CNTNAP2: variants seen among roughly 807,000 people sequenced by gnomAD.
The protein encoded by CNTNAP2 is contactin associated protein 2.
CNTNAP2 carries 98 observed loss-of-function variants against 155.2 expected under a neutral mutation model. That is an observed-to-expected ratio of 0.63 (90% CI 0.54 to 0.75). The LOEUF (loss-of-function observed/expected upper bound fraction) is 0.75, where lower values mean the gene tolerates loss of function less well. Ranked by LOEUF, CNTNAP2 falls within the 30% of genes least tolerant of loss-of-function variation. The pLI is 0.00. For synonymous variants in CNTNAP2, 651 were observed against 631.2 expected (o/e 1.03, Z -0.47); for missense variants, 1,727 against 1,688.1 (o/e 1.02, Z -0.40).
chr7:147,203,291 C>CAA (rs1802957394), intron 8 of CNTNAP2, among the ~76,000 whole-genome samples: 1 of 152,080 alleles, frequency 6.6e-6, no homozygotes, highest in African/African-American at 2.4e-5. Flanking sequence ...GTTGCCCTGG[C>CAA]TGGAGTGCAA....
chr7:146,803,246 G>A (rs903831982), intron 2 of CNTNAP2, among the ~76,000 whole-genome samples: 3 of 152,098 alleles, frequency 2.0e-5, no homozygotes, highest in Admixed American at 6.6e-5. Flanking sequence ...TCTAGCAAAA[G>A]GGAAGCAATA....
intron 13 of CNTNAP2, among the ~76,000 whole-genome samples, chr7:147,814,153 C>T (rs1798229563): frequency 6.6e-6 from 1 of 152,132 alleles, no homozygotes; most frequent in African/African-American, 2.4e-5. Flanking sequence ...AAGGAATTTA[C>T]AGGTGAAATA....
intron 15 of CNTNAP2, among the ~76,000 whole-genome samples, chr7:148,048,663 T>G (rs913157538): frequency 1.3e-5 from 2 of 152,030 alleles, no homozygotes; most frequent in African/African-American, 4.8e-5. Context: ...TCACCTAAAA[T>G]GGGCAAACAG....
intron 10 of CNTNAP2, among the ~76,000 whole-genome samples, chr7:147,416,695 C>G (rs1797199132): frequency 1.3e-5 from 2 of 152,170 alleles, no homozygotes; most frequent in African/African-American, 4.8e-5. Flanking sequence ...CATAAACCAG[C>G]CTCTGGGGCT....
chr7:148,389,361 C>G (rs1425829168), intron 22 of CNTNAP2, among the ~76,000 whole-genome samples: 1 of 152,104 alleles, frequency 6.6e-6, no homozygotes, highest in Non-Finnish European at 1.5e-5. Context: ...TTTCCCTGCA[C>G]AAGCTCTCTC....
intron 13 of CNTNAP2, among the ~76,000 whole-genome samples, chr7:147,719,442 A>G (rs373007498): frequency 3.0e-4 from 45 of 152,232 alleles, no homozygotes; most frequent in African/African-American, 8.2e-4. Flanking sequence ...TTCTTACATA[A>G]CAATCTGGCA....
intron 21 of CNTNAP2, among the ~76,000 whole-genome samples, chr7:148,304,490 A>G (rs1436758170): frequency 1.3e-5 from 2 of 152,188 alleles, no homozygotes; most frequent in Non-Finnish European, 2.9e-5. Context: ...TTGAGGGGTC[A>G]GCAGACTTTT....
chr7:146,985,308 ATTTTTT>A (rs71165057), intron 3 of CNTNAP2, among the ~76,000 whole-genome samples: 40 of 127,818 alleles, frequency 3.1e-4, no homozygotes, highest in African/African-American at 1.2e-3. Context: ...AAATGCTTGA[ATTTTTT>A]TTTTTTTTTT....
chr7:146,247,616 C>T (rs1042057623), intron 1 of CNTNAP2, among the ~76,000 whole-genome samples: 3 of 152,062 alleles, frequency 2.0e-5, no homozygotes, highest in African/African-American at 7.3e-5. Flanking sequence ...GACCATTTGC[C>T]CATTTTACGA....
intron 18 of CNTNAP2, among the ~76,000 whole-genome samples, chr7:148,188,597 C>A (rs560298069): frequency 3.4e-4 from 52 of 152,332 alleles, no homozygotes; most frequent in Middle Eastern, 6.8e-3. Context: ...CTGGCAGTTT[C>A]TCTTCTACTA....
At chr7:148,144,544 C>A (rs1298883493) in intron 16 of CNTNAP2, among the ~76,000 whole-genome samples, 1 of 152,166 alleles carries the variant, frequency 6.6e-6, no homozygotes, top group Admixed American at 6.5e-5. Flanking sequence ...CCATGTTAAA[C>A]TATGGTTCTG....
At chr7:147,527,385 G>A (rs1325523944) in intron 11 of CNTNAP2, among the ~76,000 whole-genome samples, 1 of 152,030 alleles carries the variant, frequency 6.6e-6, no homozygotes, top group Non-Finnish European at 1.5e-5. Flanking sequence ...ATCTTAGAGA[G>A]CATACCCAAG....
intron 23 of CNTNAP2, among the ~76,000 whole-genome samples, chr7:148,411,368 C>T (rs547687377): frequency 2.6e-5 from 4 of 152,224 alleles, no homozygotes; most frequent in East Asian, 3.9e-4. Flanking sequence ...CGGGTTCAAG[C>T]GATTCTCCTG....
intron 8 of CNTNAP2, among the ~76,000 whole-genome samples, chr7:147,282,286 C>T (rs1328779630): frequency 6.6e-6 from 1 of 151,836 alleles, no homozygotes; most frequent in Non-Finnish European, 1.5e-5. Context: ...CCACATGAAA[C>T]TCCTTTCTCA....
At chr7:146,980,735 G>A (rs1014744865) in intron 3 of CNTNAP2, among the ~76,000 whole-genome samples, 22 of 152,100 alleles carry the variant, frequency 1.4e-4, no homozygotes, top group African/African-American at 4.3e-4. Flanking sequence ...AGGCAACTGC[G>A]CTAAACTATT....
chr7:148,061,103 A>G (rs1803120727), intron 15 of CNTNAP2, among the ~76,000 whole-genome samples: 1 of 152,236 alleles, frequency 6.6e-6, no homozygotes, highest in South Asian at 2.1e-4. Flanking sequence ...TGTAAGAAGT[A>G]TTGATCAAAG....
In CNTNAP2 at chr7:147,686,328, G is replaced by T. The variant is rs111459786; in HGVS notation, c.2098+47022G>T. ...TGCATTTATTAAGATACAAAAGAAT[G>T]CAGAAAAAGAAGGCTTGGGGGAAAT... On this transcript the variant is annotated intron_variant, in intron 13 of 23. Coordinates refer to ENST00000361727, the MANE Select transcript of CNTNAP2 (RefSeq NM_014141.6). 3.3e-5 allele frequency among the ~76,000 whole-genome samples: 5 copies of T among 152,174 alleles called. 1 individual carries two copies. The highest frequency in any genetic ancestry group is 1.2e-4 in the African/African-American group (5 of 41,560).
intron 8 of CNTNAP2, among the ~76,000 whole-genome samples, chr7:147,176,332 A>G (rs944188988): frequency 6.6e-6 from 1 of 152,178 alleles, no homozygotes; most frequent in Non-Finnish European, 1.5e-5. Context: ...TAGTTTTAAT[A>G]TACATTTCAA....
intron 1 of CNTNAP2, among the ~76,000 whole-genome samples, chr7:146,681,252 T>C (rs1306971598): frequency 1.7e-4 from 26 of 150,976 alleles, no homozygotes; most frequent in Non-Finnish European, 2.9e-5. Context: ...ACTTCCTGTA[T>C]AGTTGAGTCT....
Sources: allele counts gnomAD v4.1 joint callset (sites outside exome capture counted in the v4.1 genomes callset), GRCh38; gene constraint gnomAD v4.1.1; transcripts MANE v1.5; gene names NCBI Gene and HGNC (gene_info 2026-07-23, HGNC 2026-07-21).